The following TOGARAM1 variants were observed in gnomAD, a reference collection of about 807,000 sequenced individuals.
TOGARAM1 encodes TOG array regulator of axonemal microtubules protein 1.
A neutral mutation model predicts 166.6 loss-of-function variants in TOGARAM1; 100 were observed. The ratio of observed to expected loss-of-function variants is 0.60; its 90% confidence interval spans 0.51 to 0.71. The LOEUF (loss-of-function observed/expected upper bound fraction) is 0.71, where lower values mean the gene tolerates loss of function less well. Among genes scored for constraint, TOGARAM1 ranks in the 30% least tolerant of loss-of-function variants. The pLI, the probability that TOGARAM1 is intolerant of heterozygous loss-of-function variation, is 0.00. For synonymous variants in TOGARAM1, 758 were observed against 763.8 expected (o/e 0.99, Z 0.13); for missense variants, 2,029 against 2,102.7 (o/e 0.96, Z 0.69).
intron 18 of TOGARAM1, among the ~76,000 whole-genome samples, chr14:45,070,806 C>T (rs1275516823): frequency 2.6e-5 from 4 of 152,186 alleles, no homozygotes; most frequent in Non-Finnish European, 4.4e-5. Context: ...GGAAGGTACA[C>T]AGGACCTGTA....
At chr14:45,037,482 CAG>C (rs1566653409) in intron 11 of TOGARAM1, among the ~76,000 whole-genome samples, 1 of 152,106 alleles carries the variant, frequency 6.6e-6, no homozygotes, top group Non-Finnish European at 1.5e-5. Context: ...CTGTGTAAAT[CAG>C]GGGTAGGAAT....
intron 18 of TOGARAM1, among the ~76,000 whole-genome samples, chr14:45,071,257 G>C (rs1418390518): frequency 6.8e-6 from 1 of 146,756 alleles, no homozygotes; most frequent in Non-Finnish European, 1.5e-5. Context: ...GTTATCGTTT[G>C]AAATAAGATG....
intron 3 of TOGARAM1, among the ~76,000 whole-genome samples, chr14:44,999,986 T>TTTTA (rs531619643): frequency 2.4e-4 from 36 of 152,100 alleles, no homozygotes; most frequent in South Asian, 1.7e-3. Flanking sequence ...TCTTATTTTA[T>TTTTA]TTTATTTATT....
intron 18 of TOGARAM1, among the ~76,000 whole-genome samples, chr14:45,070,103 AC>A (rs1883312144): frequency 2.0e-5 from 3 of 151,902 alleles, no homozygotes; most frequent in Admixed American, 6.6e-5. Context: ...AATGGCATGA[AC>A]CCGGGAGGTG....
chr14:45,057,282 T>A (rs765919397), intron 16 of TOGARAM1, among the ~76,000 whole-genome samples: 1 of 152,200 alleles, frequency 6.6e-6, no homozygotes, highest in Non-Finnish European at 1.5e-5. Context: ...TTGATGAATC[T>A]TGCGGGGTAT....
Position 45,064,745 on chromosome 14 carries a change from A to G in TOGARAM1, c.4560-1833A>G, listed in dbSNP as rs192892428. Among the ~76,000 whole-genome samples, 511 of 152,274 alleles carry G rather than the reference A, an allele frequency of 3.4e-3. 4 individuals carry two copies. Among genetic ancestry groups the G allele is most frequent in the Non-Finnish European group, 5.6e-3 (379 of 68,022 alleles). ...ACAGTCTCTGCTTTTTAATCAGGGTATTTGACCATTTAGGTTTAAAGTAGT... is the reference window on the plus strand; with the variant it reads ...ACAGTCTCTGCTTTTTAATCAGGGTGTTTGACCATTTAGGTTTAAAGTAGT... On this transcript the variant is annotated intron_variant, in intron 16 of 19. Transcript: ENST00000361462.
rs750899170 is a variant in TOGARAM1, at chr14:45,025,864, T to C, written c.3320T>C (p.Val1107Ala). ...TTATCAGAAGACTCAGTAGTAGTTG[T>C]TGGAAAAGGTATTTCAAAGTTATTT... ...KALSEDSVVVVGKGVFGSLSS... is the reference protein window; with the variant it reads ...KALSEDSVVVAGKGVFGSLSS... The change falls in exon 8 of 20, where the codon GTT (valine) becomes GCT (alanine). Residue 1107 changes from valine (V) to alanine (A), a missense_variant. Physicochemically the swap from Val to Ala is moderately conservative, Grantham distance 64. Coordinates refer to ENST00000361462, the MANE Select transcript of TOGARAM1 (RefSeq NM_001308120.2). The C allele has an allele frequency of 3.2e-6, 5 of 1,572,102 alleles. No individual in the cohort carries two copies. The highest frequency in any genetic ancestry group is 4.4e-6 in the Non-Finnish European group (5 of 1,146,270).
intron 16 of TOGARAM1, among the ~76,000 whole-genome samples, chr14:45,065,768 G>T (rs1883111877): frequency 6.6e-6 from 1 of 152,186 alleles, no homozygotes; most frequent in Non-Finnish European, 1.5e-5. Context: ...GTTTTGGAAA[G>T]ATTTCAACTA....
In TOGARAM1 at chr14:44,963,706, G is replaced by C; in HGVS notation, c.1285G>C (p.Val429Leu). Residue 429 changes from valine to leucine, a missense_variant, in exon 1 of 20, where the codon GTA becomes CTA. Coordinates refer to ENST00000361462, the MANE Select transcript of TOGARAM1 (RefSeq NM_001308120.2). ...ACTGGTTATTCGCCTTGGAGAGCAG[G>C]TACAGCAGTTCTTGGGACCAGTTAT... Reference protein sequence around the residue: ...HLLVIRLGEQVQQFLGPVIAA... With the variant: ...HLLVIRLGEQLQQFLGPVIAA... 1 of 1,613,892 alleles carries C rather than the reference G, an allele frequency of 6.2e-7. No individual in the cohort carries two copies. The highest frequency in any genetic ancestry group is 1.3e-5 in the African/African-American group (1 of 75,040).
At chr14:45,020,803 G>A (rs1880456083) in intron 7 of TOGARAM1, among the ~76,000 whole-genome samples, 1 of 152,144 alleles carries the variant, frequency 6.6e-6, no homozygotes, top group African/African-American at 2.4e-5. Context: ...TGAGGTTTGA[G>A]GTATGGGTTA....
At chr14:45,043,883 TC>T (rs776569508) in intron 12 of TOGARAM1, 92 bp downstream of exon 12, 2 of 709,938 alleles carry the variant, frequency 2.8e-6, no homozygotes, top group Non-Finnish European at 4.9e-6. Context: ...TTTAAACAAC[TC>T]TGTACCATAT....
rs1879828650 is a variant in TOGARAM1, at chr14:45,011,970, TG to T, written c.3138-4del. 6.3e-7 allele frequency: 1 copy of T among 1,591,442 alleles called. No individual in the cohort carries two copies. The highest frequency in any genetic ancestry group is 1.4e-5 in the African/African-American group (1 of 73,790). ...GTTTATTGAAATTACTTTGTTTCAT[TG>T]CAGGTCAGACATATTTCCAACATTT... On this transcript the variant is annotated splice_polypyrimidine_tract_variant and splice_region_variant and intron_variant, in intron 6 of 19. Transcript: ENST00000361462.
intron 14 of TOGARAM1, among the ~76,000 whole-genome samples, chr14:45,051,928 G>T (rs967813096): frequency 2.8e-4 from 42 of 152,152 alleles, no homozygotes; most frequent in African/African-American, 9.4e-4. Flanking sequence ...ATTATCATAA[G>T]CCAAAAGTGC....
Position 45,073,707 on chromosome 14 carries a change from T to C in TOGARAM1, c.*146T>C, listed in dbSNP as rs750632296. On this transcript the variant is annotated 3_prime_UTR_variant, in exon 20 of 20. Transcript: ENST00000361462. ...TTTATTTGCAGCCTATGAGTACACA[T>C]CTGTCCTATATCAACCTTACCACTT... is the stretch of plus-strand genomic sequence containing the variant. 7 of 689,704 alleles carry C rather than the reference T, an allele frequency of 1.0e-5. No individual in the cohort carries two copies. Among genetic ancestry groups the C allele is most frequent in the Non-Finnish European group, 1.7e-5 (7 of 420,652 alleles). 42.7% of individuals were successfully genotyped at this position (689,704 alleles called of 1,614,324 possible).
At chr14:45,048,832 C>T (rs1466019028) in intron 14 of TOGARAM1, among the ~76,000 whole-genome samples, 1 of 151,980 alleles carries the variant, frequency 6.6e-6, no homozygotes, top group Non-Finnish European at 1.5e-5. Context: ...CAAAAATTAG[C>T]TGGGCGTGGT....
rs1473192907 is a variant in TOGARAM1 at position 45,033,920 on chromosome 14, T to C, written c.3812+1544T>C. ...GCTCATGCCTGTAATCTCAGCACTTTGGGAGGCCAGATGACTTGAGGTCAG... is the reference window on the plus strand; with the variant it reads ...GCTCATGCCTGTAATCTCAGCACTTCGGGAGGCCAGATGACTTGAGGTCAG... On this transcript the variant is annotated intron_variant, in intron 11 of 19. Coordinates refer to ENST00000361462, the MANE Select transcript of TOGARAM1 (RefSeq NM_001308120.2). 2.0e-5 allele frequency among the ~76,000 whole-genome samples: 3 copies of C among 152,150 alleles called. No individual in the cohort carries two copies. In the East Asian group the frequency reaches 5.8e-4, roughly 29 times the overall value.
At chr14:45,010,622 G>A (rs879422455) in intron 6 of TOGARAM1, among the ~76,000 whole-genome samples, 2 of 152,146 alleles carry the variant, frequency 1.3e-5, no homozygotes, top group Non-Finnish European at 1.5e-5. Flanking sequence ...ACTGAATTCT[G>A]TTAGAAGGTA....
chr14:45,033,377 G>A (rs1881270523), intron 11 of TOGARAM1, among the ~76,000 whole-genome samples: 1 of 152,160 alleles, frequency 6.6e-6, no homozygotes, highest in South Asian at 2.1e-4. Context: ...CCAGGTAATA[G>A]GCGTTTTAGA....
intron 1 of TOGARAM1, among the ~76,000 whole-genome samples, chr14:44,968,189 T>C (rs1247776573): frequency 6.6e-6 from 1 of 152,226 alleles, no homozygotes; most frequent in Non-Finnish European, 1.5e-5. Flanking sequence ...GGAATAAATA[T>C]CTAAACAGTT....
Sources: allele counts gnomAD v4.1 joint callset (sites outside exome capture counted in the v4.1 genomes callset), GRCh38; gene constraint gnomAD v4.1.1; transcripts MANE v1.5; gene names NCBI Gene and HGNC (gene_info 2026-07-23, HGNC 2026-07-21).